Variants in TCHH observed in about 807,000 individuals in gnomAD.
TCHH encodes trichohyalin.
TCHH carries 6 observed loss-of-function variants against 6.3 expected under a neutral mutation model. The ratio of observed to expected loss-of-function variants is 0.95; its 90% CI spans 0.52 to 1.88. The LOEUF (loss-of-function observed/expected upper bound fraction) is 1.88. TCHH is among the 40% of genes most tolerant of loss of function. TCHH has a pLI of 0.01. For synonymous variants in TCHH, 1,087 were observed against 963.6 expected (o/e 1.13, Z -2.37); for missense variants, 2,920 against 2,449.1 (o/e 1.19, Z -4.06).
chr1:152,111,345 C>T lies in TCHH; in HGVS notation c.1872G>A (p.Glu624=). 1.2e-6 allele frequency: 2 copies of T among 1,607,774 alleles called. No individual in the cohort carries two copies. Among genetic ancestry groups the T allele is most frequent in the Non-Finnish European group, 1.7e-6 (2 of 1,177,850 alleles). Residue 624 remains glutamate (E), a synonymous_variant, in exon 3 of 3, where the codon GAG becomes GAA. Transcript: ENST00000614923. ...ERREQRLKRE[E]PEEERRQQLL... ...GCTGCTGGCGCCTCTCTTCCTCCGG[C>T]TCCTCGCGCTTCAGCCGCTGCTCGC...
Position 152,109,080 on chromosome 1 carries a change from C to T in TCHH, c.4137G>A (p.Glu1379=). The change falls in exon 3 of 3, where the codon GAG becomes GAA. Residue 1379 remains glutamate, a synonymous_variant. Transcript: ENST00000614923. ...HQEQGRKFLE[E]EQRLRRQERE... ...GTTCCTGGCGGCGCAGCCGCTGTTC[C>T]TCCTCGAGGAATTTTCTCCCTTGTT... The T allele has an allele frequency of 2.5e-6, 4 of 1,613,820 alleles. No individual in the cohort carries two copies. Among genetic ancestry groups the T allele is most frequent in the Non-Finnish European group, 3.4e-6 (4 of 1,179,974 alleles).
rs199878160 is a variant in TCHH at position 152,107,124 on chromosome 1, A to AT, written c.*260dup. 1,322 of 336,168 alleles carry AT rather than the reference A, an allele frequency of 3.9e-3. 1 individual carries two copies. Among genetic ancestry groups the AT allele is most frequent in the Non-Finnish European group, 5.6e-3 (1,054 of 187,260 alleles). The allele number at this position is 336,168 out of a possible 1,614,324, so 20.8% of individuals were successfully genotyped here. A position where few individuals can be genotyped will look rare whatever the true frequency, so the allele number is the denominator to read the frequency against. Reference sequence around the variant, plus strand: ...TTCTTAAACAAATTAAATGATTTATATTTTTTTTAAATGCACACCACATCT... The same window carrying AT: ...TTCTTAAACAAATTAAATGATTTATATTTTTTTTTAAATGCACACCACATCT... On this transcript the variant is annotated 3_prime_UTR_variant, in exon 3 of 3. Coordinates refer to ENST00000614923, the MANE Select transcript of TCHH (RefSeq NM_007113.4).
Position 152,109,239 on chromosome 1 carries a change from TTC to T in TCHH, c.3976_3977del (p.Glu1326ArgfsTer33), listed in dbSNP as rs766389207. The T allele has an allele frequency of 1.9e-6, 3 of 1,614,256 alleles. No individual in the cohort carries two copies. The highest frequency in any genetic ancestry group is 2.5e-6 in the Non-Finnish European group (3 of 1,180,044). ...CTGTCTCTTGACGGCGTCTCTTCTCTTCTCTTTCCTCTCTCAGCAACTGCTTT... is the reference window on the plus strand; with the variant it reads ...CTGTCTCTTGACGGCGTCTCTTCTCTTCTTTCCTCTCTCAGCAACTGCTTT... Reference protein sequence around the residue: ...EEKQLLREEREEKRRRQETDR... With the variant: ...EEKQLLREERXEKRRRQETDR... On this transcript the variant is annotated frameshift_variant, in exon 3 of 3. Coordinates refer to ENST00000614923, the MANE Select transcript of TCHH (RefSeq NM_007113.4). LOFTEE classifies it low-confidence loss of function (END_TRUNC).
chr1:152,107,273 A>G lies in TCHH; in HGVS notation c.*112T>C, dbSNP rs959285794. 3.5e-6 allele frequency: 4 copies of G among 1,128,250 alleles called. No individual in the cohort carries two copies. Among genetic ancestry groups the G allele is most frequent in the African/African-American group, 1.6e-5 (1 of 64,454 alleles). The allele number at this position is 1,128,250 out of a possible 1,614,324, so 69.9% of individuals were successfully genotyped here. On this transcript the variant is annotated 3_prime_UTR_variant, in exon 3 of 3. Coordinates refer to ENST00000614923, the MANE Select transcript of TCHH (RefSeq NM_007113.4). Reference sequence around the variant, plus strand: ...ATTTTGGAAGAAAAGACATTCTAATATCAGAGAGTTTTCCCACAACCAGAA... The same window carrying G: ...ATTTTGGAAGAAAAGACATTCTAATGTCAGAGAGTTTTCCCACAACCAGAA...
chr1:152,109,771 T>C lies in TCHH; in HGVS notation c.3446A>G (p.Glu1149Gly). The C allele has an allele frequency of 1.9e-6, 3 of 1,581,748 alleles. No homozygotes were observed. The highest frequency in any genetic ancestry group is 1.7e-6 in the Non-Finnish European group (2 of 1,161,014). The change falls in exon 3 of 3, where the codon GAG (glutamate) becomes GGG (glycine). Residue 1149 changes from glutamate (E) to glycine (G), a missense_variant. Glu to Gly is a moderately conservative substitution (Grantham distance 98). Transcript: ENST00000614923. Reference protein sequence around the residue: ...QYREEEEVQQEEEQLLREEPE... With the variant: ...QYREEEEVQQGEEQLLREEPE... ...TTCCTCTCTCAGCAGCTGCTCTTCCTCCTGCTGCACCTCCTCTTCCTCCCG... is the reference window on the plus strand; with the variant it reads ...TTCCTCTCTCAGCAGCTGCTCTTCCCCCTGCTGCACCTCCTCTTCCTCCCG...
intron 1 of TCHH, among the ~76,000 whole-genome samples, 174 bp downstream of exon 1, chr1:152,115,217 A>C (rs2101536237): frequency 6.6e-6 from 1 of 152,338 alleles, no homozygotes; most frequent in East Asian, 1.9e-4. Context: ...GCTTCAGTTC[A>C]AGTGATGGCT....
chr1:152,110,060 C>T lies in TCHH; in HGVS notation c.3157G>A (p.Glu1053Lys), dbSNP rs757407953. Residue 1053 changes from glutamate (E) to lysine (K), a missense_variant, in exon 3 of 3, where the codon GAA becomes AAA. Coordinates refer to ENST00000614923, the MANE Select transcript of TCHH (RefSeq NM_007113.4). ...TCTTCCTCCTGCTGCAGCTCCTCTT[C>T]CTCCCGATATTGCCTCTCCCGCTCC... Reference protein sequence around the residue: ...LQERERQYREEEELQQEEEQL... With the variant: ...LQERERQYREKEELQQEEEQL... 9 of 1,609,514 alleles carry T rather than the reference C, an allele frequency of 5.6e-6. No individual in the cohort carries two copies. In the Admixed American group the frequency reaches 8.5e-5, roughly 15 times the overall value.
Position 152,110,991 on chromosome 1 carries a change from C to T in TCHH, c.2226G>A (p.Arg742=), listed in dbSNP as rs1251148045. Residue 742 remains arginine, a synonymous_variant, in exon 3 of 3, where the codon CGG becomes CGA. Transcript: ENST00000614923. Reference sequence around the variant, plus strand: ...CCTCCTGCCATTGCAGCTCACTCTCCCGGCGCCGCCTCTTTTCCTCCTGCT... The same window carrying T: ...CCTCCTGCCATTGCAGCTCACTCTCTCGGCGCCGCCTCTTTTCCTCCTGCT... ...RQEQEEKRRR[R]ESELQWQEEE... The T allele has an allele frequency of 1.2e-6, 2 of 1,613,436 alleles. No homozygotes were observed. Among genetic ancestry groups the T allele is most frequent in the Non-Finnish European group, 1.7e-6 (2 of 1,180,022 alleles).
intron 2 of TCHH, among the ~76,000 whole-genome samples, chr1:152,113,705 G>C (rs2515662): frequency 1.3e-5 from 2 of 152,160 alleles, no homozygotes; most frequent in African/African-American, 2.4e-5. Flanking sequence ...CATCTTTTGT[G>C]GTAATGTCCC....
chr1:152,109,500 C>CTTG lies in TCHH; in HGVS notation c.3714_3716dup (p.Asn1238dup). On this transcript the variant is annotated inframe_insertion, in exon 3 of 3. Coordinates refer to ENST00000614923, the MANE Select transcript of TCHH (RefSeq NM_007113.4). Reference sequence around the variant, plus strand: ...CATTCTCTCTGCCTTTGCAGTAAACCTTGTTATCACGAACTGCATTTTCTT... The same window carrying CTTG: ...CATTCTCTCTGCCTTTGCAGTAAACCTTGTTGTTATCACGAACTGCATTTTCTT... 1 of 1,614,270 alleles carries CTTG rather than the reference C, an allele frequency of 6.2e-7. No homozygotes were observed. Among genetic ancestry groups the CTTG allele is most frequent in the Non-Finnish European group, 8.5e-7 (1 of 1,180,058 alleles).
Position 152,107,822 on chromosome 1 carries a change from C to A in TCHH, c.5395G>T (p.Glu1799Ter), listed in dbSNP as rs1314080059. Residue 1799 changes from glutamate (E) to a stop codon, truncating the protein, a stop_gained, in exon 3 of 3, where the codon GAG becomes TAG. Transcript: ENST00000614923. LOFTEE classifies it low-confidence loss of function (END_TRUNC). ...RSQESDRKFR[E>*]EEQLRQEREE... is the part of the protein sequence containing the mutation. ...CTCTCCTGGCGTAGCTGTTCCTCCT[C>A]GCGGAATTTTCTGTCAGACTCTTGG... is the stretch of plus-strand genomic sequence containing the variant. The A allele has an allele frequency of 1.9e-6, 3 of 1,613,778 alleles. No homozygotes were observed. The highest frequency in any genetic ancestry group is 2.2e-5 in the East Asian group (1 of 44,848).
chr1:152,110,073 C>G lies in TCHH; in HGVS notation c.3144G>C (p.Arg1048Ser), dbSNP rs1349413635. 6.2e-7 allele frequency: 1 copy of G among 1,607,556 alleles called. No individual in the cohort carries two copies. Among genetic ancestry groups the G allele is most frequent in the Non-Finnish European group, 8.5e-7 (1 of 1,177,978 alleles). ...GCAGCTCCTCTTCCTCCCGATATTG[C>G]CTCTCCCGCTCCTGGAGTCTTCTTT... ...REKRRLQERE[R>S]QYREEEELQQ... Residue 1048 changes from arginine to serine, a missense_variant, in exon 3 of 3, where the codon AGG becomes AGC. Transcript: ENST00000614923.
In TCHH at chr1:152,113,856, A is replaced by T. The variant is rs1658446968; in HGVS notation, c.138+87T>A. The T allele has an allele frequency of 4.7e-6, 7 of 1,492,730 alleles. No individual in the cohort carries two copies. In the East Asian group the frequency reaches 1.6e-4, roughly 34 times the overall value. 92.5% of individuals were successfully genotyped at this position (1,492,730 alleles called of 1,614,324 possible). ...ACCTGTTGTGGTGTAAAATGAATAT[A>T]AAACCACCATTCCTTGCTCTGGTCT... On this transcript the variant is annotated intron_variant, in intron 2 of 2. Transcript: ENST00000614923.
Position 152,109,466 on chromosome 1 carries a change from G to C in TCHH, c.3751C>G (p.Arg1251Gly). The C allele has an allele frequency of 3.1e-6, 5 of 1,614,228 alleles. No homozygotes were observed. The highest frequency in any genetic ancestry group is 2.7e-5 in the African/African-American group (2 of 75,066). Reference sequence around the variant, plus strand: ...CGCAGCTGGGAATCTTCCAACTGCCGGAACTGTTCATTCTCTCTGCCTTTG... The same window carrying C: ...CGCAGCTGGGAATCTTCCAACTGCCCGAACTGTTCATTCTCTCTGCCTTTG... Reference protein sequence around the residue: ...YCKGRENEQFRQLEDSQLRDR... With the variant: ...YCKGRENEQFGQLEDSQLRDR... The change falls in exon 3 of 3, where the codon CGG becomes GGG. Residue 1251 changes from arginine (R) to glycine (G), a missense_variant. By Grantham distance (125) the Arg-to-Gly change is moderately radical. Transcript: ENST00000614923.
At position 152,107,696 on chromosome 1, in the gene TCHH, G is replaced by A. The variant is rs756321384; in HGVS notation, c.5521C>T (p.Arg1841Ter). ...EEQEQRLRQE[R>*]DRQYRAEEQF... ...TCCTCCGCCCGGTACTGCCGGTCTC[G>A]CTCCTGCCGCAGCCTCTGCTCTTGT... The change falls in exon 3 of 3, where the codon CGA becomes TGA. Residue 1841 changes from arginine (R) to a stop codon, truncating the protein, a stop_gained. Coordinates refer to ENST00000614923, the MANE Select transcript of TCHH (RefSeq NM_007113.4). LOFTEE classifies it low-confidence loss of function (END_TRUNC). The A allele has an allele frequency of 1.9e-6, 3 of 1,614,176 alleles. No individual in the cohort carries two copies. Among genetic ancestry groups the A allele is most frequent in the East Asian group, 2.2e-5 (1 of 44,884 alleles).
Position 152,110,762 on chromosome 1 carries a change from G to GCTCCTT in TCHH, c.2449_2454dup (p.Lys817_Glu818dup), listed in dbSNP as rs1198486855. On this transcript the variant is annotated inframe_insertion, in exon 3 of 3. Transcript: ENST00000614923. The stretch of plus-strand genomic sequence containing the variant: ...CTCTCGCGTCGCTGGCGGCGCCGCT[G>GCTCCTT]CTCCTTCTCCTCCTCCTCCGGGAGA... The GCTCCTT allele has an allele frequency of 3.7e-6, 6 of 1,607,898 alleles. No individual in the cohort carries two copies. The highest frequency in any genetic ancestry group is 5.1e-6 in the Non-Finnish European group (6 of 1,179,878).
Position 152,110,753 on chromosome 1 carries a change from G to T in TCHH, c.2464C>A (p.Arg822Ser). The change falls in exon 3 of 3, where the codon CGC (arginine) becomes AGC (serine). Residue 822 changes from arginine to serine, a missense_variant. Physicochemically the swap from Arg to Ser is moderately radical, Grantham distance 110. Coordinates refer to ENST00000614923, the MANE Select transcript of TCHH (RefSeq NM_007113.4). ...TCTTTCTCCCTCTCGCGTCGCTGGC[G>T]GCGCCGCTGCTCCTTCTCCTCCTCC... The part of the protein sequence containing the change: ...PEEEEKEQRR[R>S]QRREREKELQ... 1 of 1,608,360 alleles carries T rather than the reference G, an allele frequency of 6.2e-7. No individual in the cohort carries two copies. The highest frequency in any genetic ancestry group is 8.5e-7 in the Non-Finnish European group (1 of 1,179,868).
In TCHH at chr1:152,109,589, T is replaced by G. The variant is rs1167165636; in HGVS notation, c.3628A>C (p.Arg1210=). 1 of 1,614,170 alleles carries G rather than the reference T, an allele frequency of 6.2e-7. No individual in the cohort carries two copies. The highest frequency in any genetic ancestry group is 1.7e-5 in the Admixed American group (1 of 60,026). Residue 1210 remains arginine, a synonymous_variant, in exon 3 of 3, where the codon AGG becomes CGG. Coordinates refer to ENST00000614923, the MANE Select transcript of TCHH (RefSeq NM_007113.4). The part of the protein sequence containing the change: ...REEEELQRQK[R]KQRYRDEDQR... The stretch of plus-strand genomic sequence containing the variant: ...TCCTCATCCCGGTATCGCTGCTTCC[T>G]TTTCTGGCGCTGAAGCTCTTCCTCC...
chr1:152,109,925 G>C lies in TCHH; in HGVS notation c.3292C>G (p.Pro1098Ala). 1 of 1,586,642 alleles carries C rather than the reference G, an allele frequency of 6.3e-7. No individual in the cohort carries two copies. The highest frequency in any genetic ancestry group is 8.5e-7 in the Non-Finnish European group (1 of 1,170,080). The stretch of plus-strand genomic sequence containing the variant: ...CGCTCCTGGCGCCTTCTCTTCTCCG[G>C]TTCCTCTCTCAGCAGCTGCTCTTCC... ...QEEEQLLREE[P>A]EKRRRQERER... The change falls in exon 3 of 3, where the codon CCG (proline) becomes GCG (alanine). Residue 1098 changes from proline to alanine, a missense_variant. Pro to Ala is a conservative substitution (Grantham distance 27, BLOSUM62 -1). Transcript: ENST00000614923.
Sources: allele counts gnomAD v4.1 joint callset (sites outside exome capture counted in the v4.1 genomes callset), GRCh38; gene constraint gnomAD v4.1.1; transcripts MANE v1.5; gene names NCBI Gene and HGNC (gene_info 2026-07-23, HGNC 2026-07-21).